The following MDGA1 variants were observed in gnomAD, a reference collection of about 807,000 sequenced individuals.
MDGA1 encodes MAM domain containing glycosylphosphatidylinositol anchor 1.
A neutral mutation model predicts 101.5 loss-of-function variants in MDGA1; 54 were observed. The observed-to-expected ratio is 0.53, with a 90% CI of 0.43 to 0.67. The LOEUF (loss-of-function observed/expected upper bound fraction) is 0.67. Among genes scored for constraint, MDGA1 ranks in the 30% least tolerant of loss-of-function variants. MDGA1 has a pLI of 0.00. For missense variants in MDGA1, 1,083 were observed against 1,323.8 expected, an observed-to-expected ratio of 0.82 and a Z score of 2.82; for synonymous variants, 533 against 558.3, an observed-to-expected ratio of 0.95 and a Z score of 0.64.
rs191049998 is a variant in MDGA1 at position 37,635,590 on chromosome 6, G to A, written c.*1778C>T. 596 of 398,706 alleles carry A rather than the reference G, an allele frequency of 1.5e-3. 3 individuals are homozygous for A. Among genetic ancestry groups the A allele is most frequent in the African/African-American group, 9.1e-3 (443 of 48,764 alleles). 24.7% of individuals were successfully genotyped at this position (398,706 alleles called of 1,614,324 possible). A position where few individuals can be genotyped will look rare whatever the true frequency, so the allele number is the denominator to read the frequency against. On this transcript the variant is annotated 3_prime_UTR_variant, in exon 17 of 17. Transcript: ENST00000434837. ...TAATGATCACACAGGCCTGGCAGGG[G>A]GAGATGGGCAGCCTTTGCCTCGGTT... is the stretch of plus-strand genomic sequence containing the variant.
intron 1 of MDGA1, 85 bp from the exon 2 acceptor site, chr6:37,664,191 G>A (rs1761691871): frequency 1.3e-6 from 2 of 1,554,362 alleles, no homozygotes; most frequent in Non-Finnish European, 1.8e-6. Context: ...AGTGTATCTG[G>A]GAGGGGTCAG....
At chr6:37,664,385 T>C (rs1490947570) in intron 1 of MDGA1, 2 of 369,050 alleles carry the variant, frequency 5.4e-6, no homozygotes. Flanking sequence ...TTGTCATCTG[T>C]ACAGACTGGT....
Position 37,634,499 on chromosome 6 carries a change from CACAAAG to C in MDGA1, c.*2863_*2868del, listed in dbSNP as rs1763884444. ...GACACTGACAAGTCACCAGGTGATACACAAAGACACTCATTCCTGCTGAGGAACACA... is the reference window on the plus strand; with the variant it reads ...GACACTGACAAGTCACCAGGTGATACACACTCATTCCTGCTGAGGAACACA... On this transcript the variant is annotated 3_prime_UTR_variant, in exon 17 of 17. Transcript: ENST00000434837. The surrounding 1 kb of genome is among the most constrained non-coding windows in gnomAD (Gnocchi z 4.7). The C allele has an allele frequency of 6.5e-6, 1 of 153,234 alleles. No homozygotes were observed. The highest frequency in any genetic ancestry group is 2.4e-5 in the African/African-American group (1 of 41,460). 9.5% of individuals were successfully genotyped at this position (153,234 alleles called of 1,614,324 possible). A position where few individuals can be genotyped will look rare whatever the true frequency, so the allele number is the denominator to read the frequency against.
chr6:37,641,501 C>A (rs1280031796), intron 14 of MDGA1, among the ~76,000 whole-genome samples: 3 of 152,198 alleles, frequency 2.0e-5, no homozygotes, highest in African/African-American at 7.2e-5. Context: ...CTGAGCACCC[C>A]CAGGCTAATG....
intron 11 of MDGA1, 103 bp from the exon 12 acceptor site, chr6:37,646,059 G>A (rs1761186006): frequency 6.3e-7 from 1 of 1,582,712 alleles, no homozygotes; most frequent in Non-Finnish European, 8.6e-7. Context: ...GCCAGGACTG[G>A]GGGCCAGCGG....
Position 37,633,414 on chromosome 6 carries a change from A to T in MDGA1, c.*3954T>A, listed in dbSNP as rs1763861026. ...CCCTCAAGCTGCCCAGCGAGAAAAAACACAAGGATTCTGCACGCCCCATCC... is the reference window on the plus strand; with the variant it reads ...CCCTCAAGCTGCCCAGCGAGAAAAATCACAAGGATTCTGCACGCCCCATCC... On this transcript the variant is annotated 3_prime_UTR_variant, in exon 17 of 17. Transcript: ENST00000434837. 6.6e-6 allele frequency: 1 copy of T among 152,184 alleles called. No individual in the cohort carries two copies. The highest frequency in any genetic ancestry group is 1.5e-5 in the Non-Finnish European group (1 of 68,088). The allele number at this position is 152,184 out of a possible 1,614,324, so 9.4% of individuals were successfully genotyped here. A position where few individuals can be genotyped will look rare whatever the true frequency, so the allele number is the denominator to read the frequency against.
At chr6:37,649,979 A>G (rs760012602) in intron 8 of MDGA1, 130 bp downstream of exon 8, 6 of 1,043,952 alleles carry the variant, frequency 5.7e-6, no homozygotes, top group Non-Finnish European at 7.3e-6. Flanking sequence ...GTCAAGGAGC[A>G]TTAGGGGTAT....
At position 37,696,832 on chromosome 6, in the gene MDGA1, C is replaced by A; in HGVS notation, c.-21G>T. On this transcript the variant is annotated 5_prime_UTR_variant, in exon 1 of 17. Transcript: ENST00000434837. The surrounding 1 kb of genome is among the most constrained non-coding windows in gnomAD (Gnocchi z 5.6). Reference sequence around the variant, plus strand: ...TCCATCTTCACGGCCGGTGCTTCATCCCCGCGAGGCGGCGCAGCCCGAGAG... The same window carrying A: ...TCCATCTTCACGGCCGGTGCTTCATACCCGCGAGGCGGCGCAGCCCGAGAG... 6.4e-7 allele frequency: 1 copy of A among 1,557,838 alleles called. No individual in the cohort carries two copies. The highest frequency in any genetic ancestry group is 1.2e-5 in the South Asian group (1 of 84,592).
intron 1 of MDGA1, among the ~76,000 whole-genome samples, chr6:37,685,562 C>A (rs1762180179): frequency 6.6e-6 from 1 of 152,198 alleles, no homozygotes; most frequent in African/African-American, 2.4e-5. Flanking sequence ...TCTCACACAG[C>A]CCATCCGTCT....
chr6:37,672,129 A>G (rs1297759147), intron 1 of MDGA1, among the ~76,000 whole-genome samples: 1 of 151,310 alleles, frequency 6.6e-6, no homozygotes, highest in African/African-American at 2.4e-5. Context: ...TGACAGAGTG[A>G]GACTCCATCT....
chr6:37,671,908 A>G (rs1581616696), intron 1 of MDGA1, among the ~76,000 whole-genome samples: 1 of 152,348 alleles, frequency 6.6e-6, no homozygotes, highest in Middle Eastern at 3.4e-3. Context: ...TGGGAGGCCA[A>G]CGTAGGAGGA....
chr6:37,677,222 T>C (rs966259681), intron 1 of MDGA1, among the ~76,000 whole-genome samples: 19 of 152,128 alleles, frequency 1.2e-4, no homozygotes, highest in Non-Finnish European at 1.9e-4. Flanking sequence ...ATAAAATCCA[T>C]TGTGGCCGGG....
At position 37,635,607 on chromosome 6, in the gene MDGA1, G is replaced by C. The variant is rs549492569; in HGVS notation, c.*1761C>G. 1 of 398,660 alleles carries C rather than the reference G, an allele frequency of 2.5e-6. No homozygotes were observed. The highest frequency in any genetic ancestry group is 1.3e-4 in the South Asian group (1 of 7,858). 24.7% of individuals were successfully genotyped at this position (398,660 alleles called of 1,614,324 possible). On this transcript the variant is annotated 3_prime_UTR_variant, in exon 17 of 17. Coordinates refer to ENST00000434837, the MANE Select transcript of MDGA1 (RefSeq NM_153487.4). ...TGGCAGGGGGAGATGGGCAGCCTTT[G>C]CCTCGGTTCCCCGCCTGCCTCCTGG...
chr6:37,636,880 C>CT lies in MDGA1; in HGVS notation c.*487_*488insA, dbSNP rs1763940285. 6.5e-6 allele frequency: 1 copy of CT among 153,240 alleles called. No homozygotes were observed. Among genetic ancestry groups the CT allele is most frequent in the African/African-American group, 2.4e-5 (1 of 41,470 alleles). 9.5% of individuals were successfully genotyped at this position (153,240 alleles called of 1,614,324 possible). A position where few individuals can be genotyped will look rare whatever the true frequency, so the allele number is the denominator to read the frequency against. ...CCCTGCCTCTCCCATCTCAGGAGTC[C>CT]CAGAGTCTGACCAAGGGAGGGGCTC... On this transcript the variant is annotated 3_prime_UTR_variant, in exon 17 of 17. Transcript: ENST00000434837.
chr6:37,693,032 G>A (rs1416980049), intron 1 of MDGA1, among the ~76,000 whole-genome samples: 1 of 152,224 alleles, frequency 6.6e-6, no homozygotes, highest in Non-Finnish European at 1.5e-5. Flanking sequence ...AACTTGGGAT[G>A]GGGAGGTAAC....
At position 37,633,182 on chromosome 6, in the gene MDGA1, A is replaced by AACACAC. The variant is rs138772362; in HGVS notation, c.*4180_*4185dup. On this transcript the variant is annotated 3_prime_UTR_variant, in exon 17 of 17. Coordinates refer to ENST00000434837, the MANE Select transcript of MDGA1 (RefSeq NM_153487.4). Reference sequence around the variant, plus strand: ...CAGGAAAGAGTGGTCCTTCTGCCCCAACACACACACACACACACACAAACA... The same window carrying AACACAC: ...CAGGAAAGAGTGGTCCTTCTGCCCCAACACACACACACACACACACACACACAAACA... 2.0e-5 allele frequency: 3 copies of AACACAC among 149,680 alleles called. No individual in the cohort carries two copies. Among genetic ancestry groups the AACACAC allele is most frequent in the Non-Finnish European group, 3.0e-5 (2 of 67,406 alleles). 9.3% of individuals were successfully genotyped at this position (149,680 alleles called of 1,614,324 possible). A position where few individuals can be genotyped will look rare whatever the true frequency, so the allele number is the denominator to read the frequency against.
At chr6:37,679,668 C>T (rs1224027344) in intron 1 of MDGA1, among the ~76,000 whole-genome samples, 1 of 152,184 alleles carries the variant, frequency 6.6e-6, no homozygotes, top group Non-Finnish European at 1.5e-5. Flanking sequence ...CTGAGCCAGG[C>T]CTCGGTGATG....
Position 37,635,437 on chromosome 6 carries a change from G to A in MDGA1, c.*1931C>T, listed in dbSNP as rs752819443. 1 of 398,730 alleles carries A rather than the reference G, an allele frequency of 2.5e-6. No homozygotes were observed. Among genetic ancestry groups the A allele is most frequent in the Non-Finnish European group, 4.4e-6 (1 of 226,162 alleles). The allele number at this position is 398,730 out of a possible 1,614,324, so 24.7% of individuals were successfully genotyped here. On this transcript the variant is annotated 3_prime_UTR_variant, in exon 17 of 17. Transcript: ENST00000434837. ...AATACCCGACAGACGCGATGGAAGT[G>A]TATGCTGAGAACCTGGAGCGACTCA...
chr6:37,664,025 A>G lies in MDGA1; in HGVS notation c.149T>C (p.Ile50Thr), dbSNP rs1240353396. Reference sequence around the variant, plus strand: ...CAGCATGAGGGTGTCCCCCTCCCGGATGGTGTAGACACGCTCGCTGATATT... The same window carrying G: ...CAGCATGAGGGTGTCCCCCTCCCGGGTGGTGTAGACACGCTCGCTGATATT... ...EDNISERVYT[I>T]REGDTLMLQC... is the part of the protein sequence containing the mutation. The change falls in exon 2 of 17, where the codon ATC (isoleucine) becomes ACC (threonine). Residue 50 changes from isoleucine (I) to threonine (T), a missense_variant. Coordinates refer to ENST00000434837, the MANE Select transcript of MDGA1 (RefSeq NM_153487.4). The G allele has an allele frequency of 1.3e-5, 21 of 1,613,626 alleles. No homozygotes were observed. The highest frequency in any genetic ancestry group is 1.8e-5 in the Non-Finnish European group (21 of 1,179,812).
Sources: allele counts gnomAD v4.1 joint callset (sites outside exome capture counted in the v4.1 genomes callset), GRCh38; gene constraint gnomAD v4.1.1; non-coding constraint Gnocchi (gnomAD v3.1); transcripts MANE v1.5; gene names NCBI Gene and HGNC (gene_info 2026-07-23, HGNC 2026-07-21).